PLXDC2: variants seen among roughly 807,000 people sequenced by gnomAD.
PLXDC2 encodes plexin domain containing 2.
A neutral mutation model predicts 68.9 loss-of-function variants in PLXDC2; 40 were observed. That is an observed-to-expected ratio of 0.58 (90% CI 0.45 to 0.76). The LOEUF (loss-of-function observed/expected upper bound fraction) is 0.76, where lower values mean the gene tolerates loss of function less well. Among genes scored for constraint, PLXDC2 ranks in the 30% least tolerant of loss-of-function variants. PLXDC2 has a pLI of 0.00. For missense variants in PLXDC2, 644 were observed against 661.9 expected (o/e 0.97, Z 0.30); for synonymous variants, 243 against 234.2 (o/e 1.04, Z -0.34).
chr10:20,203,951 C>T (rs1461786325), intron 9 of PLXDC2, among the ~76,000 whole-genome samples: 1 of 152,130 alleles, frequency 6.6e-6, no homozygotes, highest in Non-Finnish European at 1.5e-5. Context: ...AAAACACACT[C>T]CACCTTCTTG....
At chr10:20,171,716 A>G (rs181092989) in intron 7 of PLXDC2, among the ~76,000 whole-genome samples, 80 of 152,266 alleles carry the variant, frequency 5.3e-4, no homozygotes, top group African/African-American at 1.8e-3. Flanking sequence ...GGCTTTCTTC[A>G]TGGACTTGTG....
intron 4 of PLXDC2, among the ~76,000 whole-genome samples, chr10:20,072,536 AAAGAAAG>A (rs1836350077): frequency 9.4e-6 from 1 of 106,620 alleles, no homozygotes; most frequent in African/African-American, 7.3e-5. Context: ...AGAAAGAAAG[AAAGAAAG>A]AAAGAAAGAA....
intron 4 of PLXDC2, among the ~76,000 whole-genome samples, chr10:20,139,350 T>C (rs1180458470): frequency 6.6e-6 from 1 of 152,228 alleles, no homozygotes; most frequent in Non-Finnish European, 1.5e-5. Context: ...GGTGTCTTTC[T>C]CAGTCCCAAA....
At chr10:20,158,147 C>T (rs1482304834) in intron 6 of PLXDC2, among the ~76,000 whole-genome samples, 1 of 151,708 alleles carries the variant, frequency 6.6e-6, no homozygotes, top group South Asian at 2.1e-4. Flanking sequence ...TGATGACTCA[C>T]GAGACATTTT....
chr10:20,005,618 CAGG>C (rs1170685157), intron 2 of PLXDC2, among the ~76,000 whole-genome samples: 1 of 152,056 alleles, frequency 6.6e-6, no homozygotes, highest in Non-Finnish European at 1.5e-5. Context: ...TCAACCATGG[CAGG>C]AGGTGAAGTG....
At chr10:19,818,900 T>C (rs1836408827) in intron 1 of PLXDC2, among the ~76,000 whole-genome samples, 1 of 152,208 alleles carries the variant, frequency 6.6e-6, no homozygotes, top group Non-Finnish European at 1.5e-5. Flanking sequence ...CCAAGTTGTT[T>C]ATTTAAAAAC....
intron 9 of PLXDC2, among the ~76,000 whole-genome samples, chr10:20,183,595 A>G (rs1166667547): frequency 6.6e-6 from 1 of 151,864 alleles, no homozygotes; most frequent in Admixed American, 6.6e-5. Flanking sequence ...AGCAAAGGAG[A>G]AATAAGGAAA....
At chr10:20,057,026 C>G (rs1384339121) in intron 3 of PLXDC2, among the ~76,000 whole-genome samples, 1 of 152,188 alleles carries the variant, frequency 6.6e-6, no homozygotes, top group African/African-American at 2.4e-5. Flanking sequence ...CAGGTATTTA[C>G]TCTGCCTTTC....
At chr10:19,926,633 T>G (rs957076) in intron 1 of PLXDC2, among the ~76,000 whole-genome samples, 1 of 152,192 alleles carries the variant, frequency 6.6e-6, no homozygotes, top group African/African-American at 2.4e-5. Context: ...TCTCATATTG[T>G]GGGGAGACAT....
At chr10:20,019,108 C>T (rs1324068129) in intron 2 of PLXDC2, among the ~76,000 whole-genome samples, 2 of 151,982 alleles carry the variant, frequency 1.3e-5, no homozygotes, top group African/African-American at 4.8e-5. Context: ...AGAGAGACAG[C>T]GTATCAATTT....
chr10:19,892,855 G>A (rs1038741980), intron 1 of PLXDC2, among the ~76,000 whole-genome samples: 8 of 151,456 alleles, frequency 5.3e-5, no homozygotes, highest in East Asian at 1.9e-4. Flanking sequence ...TATACAGTAC[G>A]AGCTAAGACC....
intron 1 of PLXDC2, among the ~76,000 whole-genome samples, chr10:19,977,064 C>G (rs1249734453): frequency 6.6e-6 from 1 of 152,102 alleles, no homozygotes; most frequent in African/African-American, 2.4e-5. Context: ...TATCTGTTCC[C>G]TTCAAATTGC....
chr10:19,991,926 G>T (rs1375042504), intron 1 of PLXDC2, among the ~76,000 whole-genome samples: 1 of 152,178 alleles, frequency 6.6e-6, no homozygotes, highest in Non-Finnish European at 1.5e-5. Context: ...TCCCCTGGTT[G>T]GCGGACTCAA....
At chr10:19,837,153 A>C (rs1564604459) in intron 1 of PLXDC2, among the ~76,000 whole-genome samples, 1 of 152,056 alleles carries the variant, frequency 6.6e-6, no homozygotes, top group Non-Finnish European at 1.5e-5. Context: ...GAGGACTAAA[A>C]GGGCTGATTG....
At chr10:19,870,784 A>G (rs1307644427) in intron 1 of PLXDC2, among the ~76,000 whole-genome samples, 1 of 152,196 alleles carries the variant, frequency 6.6e-6, no homozygotes, top group East Asian at 1.9e-4. Flanking sequence ...TCTATGTAAC[A>G]CCTGTTTGGT....
chr10:20,036,779 C>T (rs776391635), intron 2 of PLXDC2, among the ~76,000 whole-genome samples: 4 of 152,080 alleles, frequency 2.6e-5, no homozygotes, highest in Non-Finnish European at 2.9e-5. Flanking sequence ...TAATTTATTC[C>T]GTTTATATAG....
At chr10:19,920,259 A>C (rs1484339699) in intron 1 of PLXDC2, among the ~76,000 whole-genome samples, 2 of 152,156 alleles carry the variant, frequency 1.3e-5, no homozygotes, top group African/African-American at 4.8e-5. Flanking sequence ...TGAGCAGAGG[A>C]GGGTGTGGTC....
At chr10:20,206,512 GC>G (rs1464869851) in intron 9 of PLXDC2, among the ~76,000 whole-genome samples, 1 of 151,994 alleles carries the variant, frequency 6.6e-6, no homozygotes, top group Non-Finnish European at 1.5e-5. Context: ...TCATGAAAGA[GC>G]ACAGCACCTT....
At chr10:19,880,492 T>TTC (rs1837708038) in intron 1 of PLXDC2, among the ~76,000 whole-genome samples, 1 of 152,118 alleles carries the variant, frequency 6.6e-6, no homozygotes, top group Admixed American at 6.6e-5. Flanking sequence ...ATCTCTCTCT[T>TTC]TCTCTCTCTC....
Sources: gnomAD v4.1 joint callset for allele counts (sites outside exome capture counted in the v4.1 genomes callset) on GRCh38, gnomAD v4.1.1 for gene constraint, MANE v1.5 for transcripts, NCBI Gene and HGNC (gene_info 2026-07-23, HGNC 2026-07-21) for gene names.